FAM47E: variants seen among roughly 807,000 people sequenced by gnomAD.
The protein encoded by FAM47E is protein FAM47E.
A neutral mutation model predicts 41.6 loss-of-function variants in FAM47E; 32 were observed. The observed-to-expected ratio is 0.77, with a 90% CI of 0.58 to 1.03. The LOEUF (loss-of-function observed/expected upper bound fraction) is 1.03. Among genes scored for constraint, FAM47E ranks in the 50% least tolerant of loss-of-function variants. The probability of loss-of-function intolerance (pLI) is 0.00; values close to 1 mark genes in which losing one functional copy is unlikely to be tolerated. For synonymous variants in FAM47E, 184 were observed against 188.7 expected (o/e 0.98, Z 0.20); for missense variants, 424 against 485.4 (o/e 0.87, Z 1.19).
In FAM47E at chr4:76,276,364, G is replaced by GTT. The variant is rs145661561; in HGVS notation, c.871-1703_871-1702dup. On this transcript the variant is annotated intron_variant, in intron 5 of 7. Coordinates refer to ENST00000424749, the MANE Select transcript of FAM47E (RefSeq NM_001136570.3). ...TGTTGGGAGGGGGTTACTTTTTTTT[G>GTT]TTTGTTTGTTTTTTTGTTTATTTGG... Among the ~76,000 whole-genome samples the GTT allele has an allele frequency of 4.3e-5, 6 of 140,742 alleles. No individual in the cohort carries two copies. In the South Asian group the frequency reaches 7.0e-4, roughly 16 times the overall value. 92.3% of individuals were successfully genotyped at this position (140,742 alleles called of 152,430 possible). A position where few individuals can be genotyped will look rare whatever the true frequency, so the allele number is the denominator to read the frequency against.
chr4:76,278,033 A>G, intron 5 of FAM47E, 36 bp from the exon 6 acceptor site: 1 of 1,424,004 alleles, frequency 7.0e-7, no homozygotes, highest in Non-Finnish European at 9.2e-7. Context: ...ACAAACAAAA[A>G]ATCAATGGCA....
chr4:76,264,432 G>A (rs1468295762), intron 3 of FAM47E, among the ~76,000 whole-genome samples: 1 of 151,748 alleles, frequency 6.6e-6, no homozygotes, highest in East Asian at 1.9e-4. Context: ...AACCATACCT[G>A]TAATACTACC....
intron 2 of FAM47E, among the ~76,000 whole-genome samples, chr4:76,239,988 T>C (rs1733673282): frequency 6.6e-6 from 1 of 152,192 alleles, no homozygotes; most frequent in Non-Finnish European, 1.5e-5. Context: ...GATCATCTTT[T>C]CCCCATTGGA....
intron 3 of FAM47E, among the ~76,000 whole-genome samples, chr4:76,264,630 C>T (rs1734554025): frequency 6.6e-6 from 1 of 152,072 alleles, no homozygotes; most frequent in African/African-American, 2.4e-5. Flanking sequence ...GAGTTTTGCT[C>T]TGTCTCCCAG....
chr4:76,241,895 A>G (rs1035450660), intron 2 of FAM47E, among the ~76,000 whole-genome samples: 7 of 152,048 alleles, frequency 4.6e-5, no homozygotes, highest in African/African-American at 1.7e-4. Flanking sequence ...TAGAAGCTGC[A>G]CTCTTCACGT....
intron 2 of FAM47E, among the ~76,000 whole-genome samples, chr4:76,232,766 A>G (rs1583943): frequency 0.16 from 23,669 of 152,118 alleles, 2,123 homozygotes; most frequent in East Asian, 0.35. Context: ...CAGGTATCAG[A>G]AAAGACAATT....
intron 2 of FAM47E, among the ~76,000 whole-genome samples, chr4:76,222,400 T>A (rs1733325262): frequency 6.6e-6 from 1 of 152,180 alleles, no homozygotes; most frequent in Non-Finnish European, 1.5e-5. Context: ...CTAATTTTTG[T>A]ATTTTTTAGT....
chr4:76,262,239 C>T (rs1734449626), intron 2 of FAM47E, among the ~76,000 whole-genome samples: 2 of 152,120 alleles, frequency 1.3e-5, no homozygotes, highest in Admixed American at 1.3e-4. Context: ...TGAACGTATT[C>T]TCCAAGGAGA....
At chr4:76,215,991 T>G (rs1484127698) in intron 1 of FAM47E, among the ~76,000 whole-genome samples, 3 of 152,184 alleles carry the variant, frequency 2.0e-5, no homozygotes, top group Non-Finnish European at 2.9e-5. Flanking sequence ...CTGGGACATT[T>G]TGTAGCTACC....
intron 1 of FAM47E, 142 bp from the exon 2 acceptor site, chr4:76,256,035 CA>C: frequency 1.2e-6 from 1 of 863,220 alleles, no homozygotes; most frequent in African/African-American, 1.7e-5. Flanking sequence ...CCAGCTTCTC[CA>C]GTGAATCCCA....
At chr4:76,279,694 G>A (rs1578807376) in intron 6 of FAM47E, 1 of 152,272 alleles carries the variant, frequency 6.6e-6, no homozygotes, top group Non-Finnish European at 1.5e-5. Flanking sequence ...GCACTGTGGG[G>A]TACTGGTAAG....
chr4:76,256,809 T>C (rs1734214562), intron 2 of FAM47E, among the ~76,000 whole-genome samples: 1 of 152,190 alleles, frequency 6.6e-6, no homozygotes, highest in Non-Finnish European at 1.5e-5. Flanking sequence ...TTCCCCATAA[T>C]TTCTACCCAT....
chr4:76,263,481 G>A (rs1322731124), intron 2 of FAM47E, among the ~76,000 whole-genome samples: 2 of 152,040 alleles, frequency 1.3e-5, no homozygotes, highest in African/African-American at 4.8e-5. Flanking sequence ...AGACTTTAGG[G>A]ATTATGATCT....
At chr4:76,254,234 G>A (rs1047637517) in intron 1 of FAM47E, among the ~76,000 whole-genome samples, 21 of 151,882 alleles carry the variant, frequency 1.4e-4, no homozygotes, top group Non-Finnish European at 2.4e-4. Context: ...TCACTGCCAC[G>A]TACATTCCCC....
intron 2 of FAM47E, among the ~76,000 whole-genome samples, chr4:76,263,303 C>A (rs1440230866): frequency 6.6e-6 from 1 of 152,124 alleles, no homozygotes; most frequent in African/African-American, 2.4e-5. Flanking sequence ...ATTGTTATTG[C>A]CTAATTCGTT....
chr4:76,219,496 G>A (rs555767522), intron 2 of FAM47E, among the ~76,000 whole-genome samples: 2 of 152,308 alleles, frequency 1.3e-5, no homozygotes, highest in East Asian at 3.9e-4. Flanking sequence ...TTTCCTGCAT[G>A]TTGTGAAATC....
intron 2 of FAM47E, among the ~76,000 whole-genome samples, chr4:76,259,552 A>G (rs990640688): frequency 6.6e-6 from 1 of 152,268 alleles, no homozygotes; most frequent in Non-Finnish European, 1.5e-5. Context: ...GAAGTATTTT[A>G]TAATCACTTA....
intron 5 of FAM47E, among the ~76,000 whole-genome samples, chr4:76,272,761 T>C (rs1285244447): frequency 6.6e-6 from 1 of 152,208 alleles, no homozygotes; most frequent in East Asian, 1.9e-4. Flanking sequence ...ATAAAATTGC[T>C]CAATTCCCTG....
At chr4:76,262,915 C>A (rs1292005790) in intron 2 of FAM47E, among the ~76,000 whole-genome samples, 1 of 152,086 alleles carries the variant, frequency 6.6e-6, no homozygotes, top group Admixed American at 6.6e-5. Flanking sequence ...GAGGGCACCA[C>A]CATGCCTGGC....
Sources: allele counts gnomAD v4.1 joint callset (sites outside exome capture counted in the v4.1 genomes callset), GRCh38; gene constraint gnomAD v4.1.1; transcripts MANE v1.5; gene names NCBI Gene and HGNC (gene_info 2026-07-23, HGNC 2026-07-21).